The following ALK variants were observed in gnomAD, a reference collection of about 807,000 sequenced individuals.
The protein encoded by ALK is ALK tyrosine kinase receptor.
Under a neutral mutation model 163.1 loss-of-function variants are expected in ALK, and 74 were observed. The ratio of observed to expected loss-of-function variants is 0.45; its 90% CI spans 0.38 to 0.55. The LOEUF (loss-of-function observed/expected upper bound fraction) is 0.55. Among genes scored for constraint, ALK ranks in the 20% least tolerant of loss-of-function variants. The pLI, the probability that ALK is intolerant of heterozygous loss-of-function variation, is 0.00. For missense variants in ALK, 2,063 were observed against 2,105.3 expected (o/e 0.98, Z 0.39); for synonymous variants, 960 against 843.2 (o/e 1.14, Z -2.40).
In ALK at chr2:29,920,831, G is replaced by A; in HGVS notation, c.-172C>T. ...CTTGCTTTCCCCCAACTGCACGGAG[G>A]CGAGCAGGAGTCTAAATGAAACAGA... On this transcript the variant is annotated 5_prime_UTR_variant, in exon 1 of 29. Transcript: ENST00000389048. The A allele has an allele frequency of 1.6e-6, 1 of 627,996 alleles. No individual in the cohort carries two copies. The highest frequency in any genetic ancestry group is 2.0e-5 in the South Asian group (1 of 50,864). The allele number at this position is 627,996 out of a possible 1,614,324, so 38.9% of individuals were successfully genotyped here.
chr2:29,444,826 C>T (rs1422090918), intron 4 of ALK, among the ~76,000 whole-genome samples: 2 of 152,178 alleles, frequency 1.3e-5, no homozygotes, highest in Non-Finnish European at 2.9e-5. Context: ...CTGGAAGTCT[C>T]CTCTGCATCC....
chr2:29,582,947 C>A (rs1422182018), intron 3 of ALK, among the ~76,000 whole-genome samples: 2 of 151,614 alleles, frequency 1.3e-5, no homozygotes, highest in African/African-American at 4.9e-5. Context: ...ACTGCAACCT[C>A]CACCTCCTGG....
intron 3 of ALK, among the ~76,000 whole-genome samples, chr2:29,636,544 T>G (rs910579949): frequency 1.3e-5 from 2 of 151,628 alleles, no homozygotes; most frequent in Admixed American, 1.3e-4. Flanking sequence ...ACAGAAAGAG[T>G]TCTTAGACTT....
At chr2:29,398,715 A>G (rs756601249) in intron 4 of ALK, among the ~76,000 whole-genome samples, 11 of 152,056 alleles carry the variant, frequency 7.2e-5, no homozygotes, top group Non-Finnish European at 1.3e-4. Context: ...AGTTTCCAGC[A>G]TTCTCCGAGG....
intron 3 of ALK, among the ~76,000 whole-genome samples, chr2:29,557,387 G>A (rs1196466541): frequency 6.6e-6 from 1 of 152,182 alleles, no homozygotes; most frequent in Non-Finnish European, 1.5e-5. Context: ...CTTAGAGAAC[G>A]ATTTCTGAAA....
chr2:29,628,956 T>C (rs902727984), intron 3 of ALK, among the ~76,000 whole-genome samples: 1 of 152,216 alleles, frequency 6.6e-6, no homozygotes, highest in Admixed American at 6.5e-5. Flanking sequence ...AGTCATTCTT[T>C]CTAAAGTAGA....
At chr2:29,762,262 A>G (rs966755204) in intron 1 of ALK, among the ~76,000 whole-genome samples, 1 of 152,238 alleles carries the variant, frequency 6.6e-6, no homozygotes, top group African/African-American at 2.4e-5. Context: ...AGTTATTATT[A>G]TCAACATTAT....
chr2:29,332,089 A>G (rs1667455488), intron 5 of ALK, among the ~76,000 whole-genome samples: 1 of 151,848 alleles, frequency 6.6e-6, no homozygotes, highest in African/African-American at 2.4e-5. Flanking sequence ...GATCAAGACC[A>G]TCTGGGCTAA....
chr2:29,391,694 G>A lies in ALK; in HGVS notation c.1155-7835C>T, dbSNP rs928889990. Reference sequence around the variant, plus strand: ...TCCCTGTCTCCCTCCTCTCTTTCTTGCTTCTATTCCTCCCTCACTTTTCCT... The same window carrying A: ...TCCCTGTCTCCCTCCTCTCTTTCTTACTTCTATTCCTCCCTCACTTTTCCT... On this transcript the variant is annotated intron_variant, in intron 4 of 28. Coordinates refer to ENST00000389048, the MANE Select transcript of ALK (RefSeq NM_004304.5). Among the ~76,000 whole-genome samples, 5 of 151,300 alleles carry A rather than the reference G, an allele frequency of 3.3e-5. No homozygotes were observed. In the East Asian group the frequency reaches 9.7e-4, roughly 29 times the overall value.
intron 4 of ALK, among the ~76,000 whole-genome samples, chr2:29,522,314 A>G (rs1396468321): frequency 1.3e-5 from 2 of 152,198 alleles, no homozygotes; most frequent in Non-Finnish European, 2.9e-5. Context: ...TACACATAAT[A>G]TTAGATGAGC....
chr2:29,628,600 T>G lies in ALK; in HGVS notation c.952+66250A>C, dbSNP rs190170078. 4.5e-3 allele frequency among the ~76,000 whole-genome samples: 690 copies of G among 152,338 alleles called. 3 individuals are homozygous for G. The highest frequency in any genetic ancestry group is 5.8e-3 in the Non-Finnish European group (392 of 68,032). ...AACACTCTGTTGTGTTATAAAGAGA[T>G]GGTGTACAGTTCTATTTTAAAACTT... On this transcript the variant is annotated intron_variant, in intron 3 of 28. Transcript: ENST00000389048.
At chr2:29,831,808 T>C (rs1665427722) in intron 1 of ALK, among the ~76,000 whole-genome samples, 1 of 152,206 alleles carries the variant, frequency 6.6e-6, no homozygotes, top group Admixed American at 6.5e-5. Context: ...TCATATTTAA[T>C]AGCACTCATT....
intron 1 of ALK, among the ~76,000 whole-genome samples, chr2:29,814,293 C>G (rs916892819): frequency 1.1e-4 from 17 of 152,058 alleles, no homozygotes; most frequent in Non-Finnish European, 2.1e-4. Context: ...GGTGATCCTC[C>G]CAGTTCCCTT....
At chr2:29,600,581 T>A (rs937446877) in intron 3 of ALK, among the ~76,000 whole-genome samples, 1 of 152,158 alleles carries the variant, frequency 6.6e-6, no homozygotes, top group African/African-American at 2.4e-5. Flanking sequence ...TGCTGGGAGA[T>A]GGGCAATGCA....
At chr2:29,583,042 G>GT (rs34611118) in intron 3 of ALK, among the ~76,000 whole-genome samples, 13 of 143,710 alleles carry the variant, frequency 9.0e-5, no homozygotes, top group South Asian at 2.2e-4. Context: ...TTTGTTTTTT[G>GT]TTTTTTTGTT....
chr2:29,320,633 C>T (rs1003475646), intron 7 of ALK, 118 bp downstream of exon 7: 108 of 1,444,948 alleles, frequency 7.5e-5, no homozygotes, highest in Middle Eastern at 4.9e-4. Context: ...TCTAGGCAAG[C>T]TTTGGTCAGA....
chr2:29,879,612 G>A (rs542214653), intron 1 of ALK, among the ~76,000 whole-genome samples: 4 of 152,312 alleles, frequency 2.6e-5, no homozygotes, highest in Middle Eastern at 3.4e-3. Flanking sequence ...AAGGACTCAC[G>A]TTTAAGATAA....
intron 5 of ALK, among the ~76,000 whole-genome samples, chr2:29,374,701 G>A (rs2148295410): frequency 6.6e-6 from 1 of 152,334 alleles, no homozygotes; most frequent in Non-Finnish European, 1.5e-5. Flanking sequence ...TTGAGCTGGG[G>A]AGGGACATTT....
chr2:29,495,016 C>T (rs1172642079), intron 4 of ALK, among the ~76,000 whole-genome samples: 1 of 152,198 alleles, frequency 6.6e-6, no homozygotes, highest in Non-Finnish European at 1.5e-5. Flanking sequence ...CTTTATGATG[C>T]TTTCACCCAA....
Sources: allele counts gnomAD v4.1 joint callset (sites outside exome capture counted in the v4.1 genomes callset), GRCh38; gene constraint gnomAD v4.1.1; transcripts MANE v1.5; gene names NCBI Gene and HGNC (gene_info 2026-07-23, HGNC 2026-07-21).